Variants in PLIN1 observed in about 807,000 individuals in gnomAD.
The protein encoded by PLIN1 is perilipin 1, also known as perilipin-1.
A neutral mutation model predicts 45.8 loss-of-function variants in PLIN1; 37 were observed. The observed-to-expected ratio is 0.81, with a 90% CI of 0.62 to 1.06. PLIN1 has a LOEUF of 1.06. Ranked by LOEUF, PLIN1 falls within the 50% of genes least tolerant of loss-of-function variation. PLIN1 has a pLI of 0.00. For synonymous variants in PLIN1, 340 were observed against 309.2 expected, an observed-to-expected ratio of 1.10 and a Z score of -1.05; for missense variants, 776 against 716.5, an observed-to-expected ratio of 1.08 and a Z score of -0.95.
chr15:89,667,892 G>C (rs1433186969), intron 6 of PLIN1, 99 bp from the exon 7 acceptor site: 1 of 1,519,422 alleles, frequency 6.6e-7, no homozygotes, highest in African/African-American at 1.4e-5. Flanking sequence ...TCCGGGCCAG[G>C]TGGTGAGCAG....
At chr15:89,674,051 G>A (rs980841277) in intron 2 of PLIN1, among the ~76,000 whole-genome samples, 15 of 152,100 alleles carry the variant, frequency 9.9e-5, no homozygotes, top group East Asian at 1.9e-4. Flanking sequence ...CTCACTCCCC[G>A]TAGACTGTCA....
chr15:89,665,385 G>A lies in PLIN1; in HGVS notation c.*198C>T. 1 of 402,700 alleles carries A rather than the reference G, an allele frequency of 2.5e-6. No homozygotes were observed. The highest frequency in any genetic ancestry group is 4.3e-6 in the Non-Finnish European group (1 of 232,008). The allele number at this position is 402,700 out of a possible 1,614,324, so 24.9% of individuals were successfully genotyped here. On this transcript the variant is annotated 3_prime_UTR_variant, in exon 9 of 9. Coordinates refer to ENST00000300055, the MANE Select transcript of PLIN1 (RefSeq NM_002666.5). Reference sequence around the variant, plus strand: ...TGTCCCTTAAAAACTGGCTCTGAGAGTGAAGCCCCAAAAGGATGCTAAAAA... The same window carrying A: ...TGTCCCTTAAAAACTGGCTCTGAGAATGAAGCCCCAAAAGGATGCTAAAAA...
chr15:89,677,176 C>G (rs1024208485), intron 2 of PLIN1: 1 of 540,932 alleles, frequency 1.8e-6, no homozygotes, highest in African/African-American at 1.9e-5. Context: ...TTTCCTTCCT[C>G]TCCACTCCCC....
rs58361219 is a variant in PLIN1, at chr15:89,667,753, G to A, written c.812C>T (p.Ala271Val). The change falls in exon 7 of 9, where the codon GCG (alanine) becomes GTG (valine). Residue 271 changes from alanine (A) to valine (V), a missense_variant. Coordinates refer to ENST00000300055, the MANE Select transcript of PLIN1 (RefSeq NM_002666.5). ...CACTTCGCTCCTCCGCCGGGACACC[G>A]CCTGCATGGCCACTGAGGCACCCCA... ...AQWGASVAMQAVSRRRSEVRV... is the reference protein window; with the variant it reads ...AQWGASVAMQVVSRRRSEVRV... 1,832 of 1,563,944 alleles carry A rather than the reference G, an allele frequency of 1.2e-3. 13 individuals carry two copies. In the African/African-American group the frequency reaches 0.022, roughly 19 times the overall value.
chr15:89,678,557 A>G (rs1404511905), intron 1 of PLIN1, among the ~76,000 whole-genome samples: 2 of 152,030 alleles, frequency 1.3e-5, no homozygotes, highest in Non-Finnish European at 2.9e-5. Flanking sequence ...GCAGGTAGCC[A>G]TAAGAGATAA....
intron 2 of PLIN1, among the ~76,000 whole-genome samples, chr15:89,675,150 C>G (rs1387827303): frequency 6.6e-6 from 1 of 152,096 alleles, no homozygotes; most frequent in Non-Finnish European, 1.5e-5. Context: ...CACTCAAAGA[C>G]AGCACTCTGG....
rs1246277355 is a variant in PLIN1 at position 89,679,243 on chromosome 15, G to C, written c.-15+8C>G. ...TCATCCCCAGCAAAATCCCCAAGAG[G>C]CCCTTACCTTCAACTTCTTCCCTTT... On this transcript the variant is annotated splice_region_variant and intron_variant, in intron 1 of 8. Transcript: ENST00000300055. 2 of 152,280 alleles carry C rather than the reference G, an allele frequency of 1.3e-5. No homozygotes were observed. Among genetic ancestry groups the C allele is most frequent in the East Asian group, 3.9e-4 (2 of 5,194 alleles). The allele number at this position is 152,280 out of a possible 1,614,324, so 9.4% of individuals were successfully genotyped here.
At chr15:89,677,300 C>G in intron 2 of PLIN1, 145 bp downstream of exon 2, 1 of 783,518 alleles carries the variant, frequency 1.3e-6, no homozygotes, top group South Asian at 1.4e-5. Context: ...GTGGTGAGGG[C>G]AAGAATAACT....
Position 89,670,061 on chromosome 15 carries a change from C to G in PLIN1, c.517G>C (p.Ala173Pro). 6.2e-7 allele frequency: 1 copy of G among 1,614,126 alleles called. No homozygotes were observed. The highest frequency in any genetic ancestry group is 8.5e-7 in the Non-Finnish European group (1 of 1,180,018). Reference protein sequence around the residue: ...FAANTRAGRLASGGADLALGS... With the variant: ...FAANTRAGRLPSGGADLALGS... Reference sequence around the variant, plus strand: ...AAGGCCAAGTCGGCCCCTCCAGAAGCCAGTCGGCCAGCTCGAGTGTTGGCA... The same window carrying G: ...AAGGCCAAGTCGGCCCCTCCAGAAGGCAGTCGGCCAGCTCGAGTGTTGGCA... Residue 173 changes from alanine (A) to proline (P), a missense_variant, in exon 5 of 9, where the codon GCT (alanine) becomes CCT (proline). Coordinates refer to ENST00000300055, the MANE Select transcript of PLIN1 (RefSeq NM_002666.5).
chr15:89,665,644 G>C lies in PLIN1; in HGVS notation c.1508C>G (p.Pro503Arg). 6.6e-7 allele frequency: 1 copy of C among 1,505,526 alleles called. No individual in the cohort carries two copies. Among genetic ancestry groups the C allele is most frequent in the South Asian group, 1.2e-5 (1 of 80,798 alleles). The allele number at this position is 1,505,526 out of a possible 1,614,324, so 93.3% of individuals were successfully genotyped here. A position where few individuals can be genotyped will look rare whatever the true frequency, so the allele number is the denominator to read the frequency against. The change falls in exon 9 of 9, where the codon CCC (proline) becomes CGC (arginine). Residue 503 changes from proline to arginine, a missense_variant. Physicochemically the swap from Pro to Arg is moderately radical, Grantham distance 103. Transcript: ENST00000300055. ...KRRVSDSFFRPSVMEPILGRT... is the reference protein window; with the variant it reads ...KRRVSDSFFRRSVMEPILGRT... ...GCCCAGGATGGGCTCCATGACGCTG[G>C]GCCGGAAGAAGCTGTCGCTGACCCT...
Position 89,665,757 on chromosome 15 carries a change from G to A in PLIN1, c.1395C>T (p.Pro465=). The A allele has an allele frequency of 1.6e-6, 2 of 1,273,982 alleles. No individual in the cohort carries two copies. Among genetic ancestry groups the A allele is most frequent in the Non-Finnish European group, 9.8e-7 (1 of 1,015,638 alleles). The allele number at this position is 1,273,982 out of a possible 1,614,324, so 78.9% of individuals were successfully genotyped here. A position where few individuals can be genotyped will look rare whatever the true frequency, so the allele number is the denominator to read the frequency against. Residue 465 remains proline (P), a synonymous_variant, in exon 9 of 9, where the codon CCC becomes CCT. Coordinates refer to ENST00000300055, the MANE Select transcript of PLIN1 (RefSeq NM_002666.5). ...SLRSAQSPGA[P]PGPGLEDEVA... is the part of the protein sequence containing the mutation. ...CTTCGTCCTCCAGGCCCGGGCCGGGGGGCGCGCCGGGGCTCTGCGCGCTGC... is the reference window on the plus strand; with the variant it reads ...CTTCGTCCTCCAGGCCCGGGCCGGGAGGCGCGCCGGGGCTCTGCGCGCTGC...
In PLIN1 at chr15:89,670,127, C is replaced by G. The variant is rs758850408; in HGVS notation, c.451G>C (p.Glu151Gln). The change falls in exon 5 of 9, where the codon GAG becomes CAG. Residue 151 changes from glutamate to glutamine, a missense_variant. Glu to Gln is a conservative substitution (Grantham distance 29). Coordinates refer to ENST00000300055, the MANE Select transcript of PLIN1 (RefSeq NM_002666.5). The stretch of plus-strand genomic sequence containing the variant: ...TCTCTGGCCACCCCCCAGGCAAGCT[C>G]GCACCCGGCCAAAGCGGCCCCCAGG... ...KVLGAALAGC[E>Q]LAWGVARDTA... 6.2e-7 allele frequency: 1 copy of G among 1,614,190 alleles called. No individual in the cohort carries two copies. The highest frequency in any genetic ancestry group is 8.5e-7 in the Non-Finnish European group (1 of 1,180,030).
intron 3 of PLIN1, among the ~76,000 whole-genome samples, chr15:89,672,700 G>C (rs923474218): frequency 6.6e-6 from 1 of 152,228 alleles, no homozygotes; most frequent in African/African-American, 2.4e-5. Flanking sequence ...GCCATCTTCT[G>C]CCTCTAGGGC....
chr15:89,667,647 C>G lies in PLIN1; in HGVS notation c.918G>C (p.Thr306=), dbSNP rs145712672. The stretch of plus-strand genomic sequence containing the variant: ...CAGTCTCCAATTCTTCCTCCTCCTC[C>G]GTGTCCTCTCCCTCCGTGTCTGTCT... ...EDQTDTEGED[T]EEEEELETEE... is the part of the protein sequence containing the mutation. The change falls in exon 7 of 9, where the codon ACG becomes ACC. Residue 306 remains threonine, a synonymous_variant. Coordinates refer to ENST00000300055, the MANE Select transcript of PLIN1 (RefSeq NM_002666.5). 2.5e-6 allele frequency: 4 copies of G among 1,611,320 alleles called. No homozygotes were observed. Among genetic ancestry groups the G allele is most frequent in the Non-Finnish European group, 3.4e-6 (4 of 1,178,434 alleles).
Position 89,670,103 on chromosome 15 carries a change from C to T in PLIN1, c.475G>A (p.Asp159Asn). The change falls in exon 5 of 9, where the codon GAC becomes AAC. Residue 159 changes from aspartate to asparagine, a missense_variant. By Grantham distance (23) the Asp-to-Asn change is conservative. Coordinates refer to ENST00000300055, the MANE Select transcript of PLIN1 (RefSeq NM_002666.5). Reference protein sequence around the residue: ...GCELAWGVARDTAEFAANTRA... With the variant: ...GCELAWGVARNTAEFAANTRA... Reference sequence around the variant, plus strand: ...GTGTTGGCAGCAAATTCCGCAGTGTCTCTGGCCACCCCCCAGGCAAGCTCG... The same window carrying T: ...GTGTTGGCAGCAAATTCCGCAGTGTTTCTGGCCACCCCCCAGGCAAGCTCG... 2 of 1,614,218 alleles carry T rather than the reference C, an allele frequency of 1.2e-6. No individual in the cohort carries two copies. The highest frequency in any genetic ancestry group is 1.1e-5 in the South Asian group (1 of 91,082).
intron 2 of PLIN1, among the ~76,000 whole-genome samples, chr15:89,676,466 CT>C (rs1964519169): frequency 6.6e-6 from 1 of 152,138 alleles, no homozygotes; most frequent in East Asian, 1.9e-4. Context: ...CCAGGATGGT[CT>C]TGATCTCCTG....
rs754943037 is a variant in PLIN1, at chr15:89,664,816, G to C, written c.*767C>G. ...ATTAACATTTCGAAGACTAGGGTTG[G>C]GGATGAACTGTGGCTATACATAAAG... is the stretch of plus-strand genomic sequence containing the variant. On this transcript the variant is annotated 3_prime_UTR_variant, in exon 9 of 9. Transcript: ENST00000300055. 16 of 451,194 alleles carry C rather than the reference G, an allele frequency of 3.5e-5. No homozygotes were observed. Among genetic ancestry groups the C allele is most frequent in the Non-Finnish European group, 6.7e-5 (15 of 224,466 alleles). 27.9% of individuals were successfully genotyped at this position (451,194 alleles called of 1,614,324 possible). A position where few individuals can be genotyped will look rare whatever the true frequency, so the allele number is the denominator to read the frequency against.
intron 2 of PLIN1, among the ~76,000 whole-genome samples, chr15:89,675,331 G>A (rs1964499236): frequency 6.7e-6 from 1 of 148,726 alleles, no homozygotes; most frequent in Admixed American, 6.9e-5. Context: ...CTAGGGCTAA[G>A]TGTAGAAGCT....
At chr15:89,671,427 T>G in intron 4 of PLIN1, 55 bp downstream of exon 4, 3 of 1,243,974 alleles carry the variant, frequency 2.4e-6, no homozygotes, top group Non-Finnish European at 2.3e-6. Flanking sequence ...CTCTCCTCCC[T>G]GAGAGGCGGT....
Sources: allele counts gnomAD v4.1 joint callset (sites outside exome capture counted in the v4.1 genomes callset), GRCh38; gene constraint gnomAD v4.1.1; transcripts MANE v1.5; gene names NCBI Gene and HGNC (gene_info 2026-07-23, HGNC 2026-07-21).